Variants in SRD5A2 observed in about 807,000 individuals in gnomAD.
SRD5A2 encodes steroid 5 alpha-reductase 2, also known as 3-oxo-5-alpha-steroid 4-dehydrogenase 2.
Under a neutral mutation model 27.4 loss-of-function variants are expected in SRD5A2, and 30 were observed. The ratio of observed to expected loss-of-function variants is 1.10; its 90% CI spans 0.82 to 1.49. SRD5A2 has a LOEUF of 1.49. Among genes scored for constraint, SRD5A2 ranks in the 40% most tolerant of loss-of-function variants. The pLI, the probability that SRD5A2 is intolerant of heterozygous loss-of-function variation, is 0.00. For synonymous variants in SRD5A2, 141 were observed against 133.6 expected, an observed-to-expected ratio of 1.06 and a Z score of -0.38; for missense variants, 348 against 323.4, an observed-to-expected ratio of 1.08 and a Z score of -0.58.
At chr2:31,527,460 G>C (rs998093181) in intron 4 of SRD5A2, 5 of 152,352 alleles carry the variant, frequency 3.3e-5, no homozygotes, top group African/African-American at 1.2e-4. Context: ...ACAAAGTCCT[G>C]TTAGCCTATT....
chr2:31,638,124 C>T, the SRD5A2 span, among the ~76,000 whole-genome samples: 49 of 152,044 alleles, frequency 3.2e-4, no homozygotes, highest in South Asian at 1.2e-3. Flanking sequence ...TGATATGTTG[C>T]ATTTTCATTT....
upstream of SRD5A2, among the ~76,000 whole-genome samples, chr2:31,584,278 C>T (rs1667140933): frequency 6.6e-6 from 1 of 152,152 alleles, no homozygotes; most frequent in South Asian, 2.1e-4. Flanking sequence ...TAAAAGCTAT[C>T]TTCTTAACAA....
the SRD5A2 span, among the ~76,000 whole-genome samples, chr2:31,629,451 T>A: frequency 6.6e-6 from 1 of 152,272 alleles, no homozygotes; most frequent in East Asian, 1.9e-4. Context: ...TTCTGTCCTA[T>A]CCTTCCTTAG....
chr2:31,534,881 T>C lies in SRD5A2; in HGVS notation c.282-1115A>G, dbSNP rs114870541. ...GATGTGAGTCACCATTTTTTTTACC[T>C]GGATCATATGTGAGTGTTGCCTCCT... On this transcript the variant is annotated intron_variant, in intron 1 of 4. Transcript: ENST00000622030. 2.1e-3 allele frequency among the ~76,000 whole-genome samples: 327 copies of C among 152,320 alleles called. 1 individual carries two copies. The highest frequency in any genetic ancestry group is 3.7e-3 in the Non-Finnish European group (255 of 68,022).
chr2:31,600,045 C>T, the SRD5A2 span, among the ~76,000 whole-genome samples: 2 of 151,894 alleles, frequency 1.3e-5, no homozygotes, highest in Non-Finnish European at 2.9e-5. Flanking sequence ...CATGTGTTCT[C>T]ATCACTTAGC....
chr2:31,614,701 G>C, the SRD5A2 span, among the ~76,000 whole-genome samples: 2 of 152,188 alleles, frequency 1.3e-5, no homozygotes, highest in Non-Finnish European at 2.9e-5. Context: ...CTTCTGCCTG[G>C]ATATCCAGGC....
chr2:31,551,155 A>G (rs1441431190), intron 1 of SRD5A2, among the ~76,000 whole-genome samples: 1 of 152,096 alleles, frequency 6.6e-6, no homozygotes, highest in Non-Finnish European at 1.5e-5. Context: ...CCAAACATGT[A>G]CAAGGGTTCT....
chr2:31,657,495 A>T, the SRD5A2 span, among the ~76,000 whole-genome samples: 1 of 152,236 alleles, frequency 6.6e-6, no homozygotes, highest in Admixed American at 6.5e-5. Context: ...CCTTCAAGCA[A>T]TTCTCCTTCC....
At chr2:31,586,911 A>G in the SRD5A2 span, among the ~76,000 whole-genome samples, 3 of 152,252 alleles carry the variant, frequency 2.0e-5, no homozygotes, top group Non-Finnish European at 2.9e-5. Context: ...TCCTGGAGAA[A>G]CAAGACATAG....
the SRD5A2 span, among the ~76,000 whole-genome samples, chr2:31,606,240 A>T: frequency 6.6e-6 from 1 of 151,904 alleles, no homozygotes; most frequent in Admixed American, 6.6e-5. Context: ...GCACAACAGG[A>T]TGGCTATAGT....
the SRD5A2 span, among the ~76,000 whole-genome samples, chr2:31,656,836 C>A: frequency 3.3e-5 from 5 of 152,118 alleles, no homozygotes; most frequent in Non-Finnish European, 1.5e-5. Flanking sequence ...ATAGTATGTA[C>A]CCCTCATACA....
intron 1 of SRD5A2, among the ~76,000 whole-genome samples, chr2:31,558,742 C>G (rs1666552408): frequency 2.0e-5 from 3 of 152,080 alleles, no homozygotes; most frequent in Admixed American, 6.5e-5. Context: ...CCCCAATTGC[C>G]TACAGTAGTC....
chr2:31,607,737 A>G, the SRD5A2 span, among the ~76,000 whole-genome samples: 4 of 152,066 alleles, frequency 2.6e-5, no homozygotes, highest in Admixed American at 1.3e-4. Flanking sequence ...CAAACAAAAT[A>G]TATTTTTTTA....
the SRD5A2 span, among the ~76,000 whole-genome samples, chr2:31,617,632 T>C: frequency 6.6e-6 from 1 of 152,170 alleles, no homozygotes; most frequent in Non-Finnish European, 1.5e-5. Context: ...CCCTAAATCA[T>C]CTCTCTCAAG....
At chr2:31,649,395 G>A in the SRD5A2 span, among the ~76,000 whole-genome samples, 2 of 152,050 alleles carry the variant, frequency 1.3e-5, no homozygotes, top group Non-Finnish European at 2.9e-5. Context: ...AACACCCACT[G>A]CCTTGTATAT....
At chr2:31,642,929 A>G in the SRD5A2 span, among the ~76,000 whole-genome samples, 3 of 152,118 alleles carry the variant, frequency 2.0e-5, no homozygotes, top group Non-Finnish European at 4.4e-5. Context: ...AAAAAAGTAT[A>G]TATTCAGTGC....
intron 1 of SRD5A2, among the ~76,000 whole-genome samples, chr2:31,553,073 T>C (rs376702182): frequency 6.6e-6 from 1 of 152,144 alleles, no homozygotes; most frequent in Non-Finnish European, 1.5e-5. Flanking sequence ...AGTAAAAAGA[T>C]AGGAACTATA....
intron 3 of SRD5A2, among the ~76,000 whole-genome samples, chr2:31,531,079 G>A (rs1451165824): frequency 6.6e-6 from 1 of 152,140 alleles, no homozygotes; most frequent in African/African-American, 2.4e-5. Flanking sequence ...CTGCAATGAG[G>A]GTGTAGGTAG....
At chr2:31,596,506 GA>G in the SRD5A2 span, among the ~76,000 whole-genome samples, 3 of 151,040 alleles carry the variant, frequency 2.0e-5, no homozygotes, top group African/African-American at 7.3e-5. Flanking sequence ...TCAAACAAGA[GA>G]AAGAAATAAA....
Sources: allele counts gnomAD v4.1 joint callset (sites outside exome capture counted in the v4.1 genomes callset), GRCh38; gene constraint gnomAD v4.1.1; transcripts MANE v1.5; gene names NCBI Gene and HGNC (gene_info 2026-07-23, HGNC 2026-07-21).